NUP210L: variants seen among roughly 807,000 people sequenced by gnomAD.
The protein encoded by NUP210L is nuclear pore membrane glycoprotein 210-like.
In NUP210L, 74 loss-of-function variants were observed where a neutral mutation model predicts 208.5. That is an observed-to-expected ratio of 0.35 (90% CI 0.29 to 0.43). The LOEUF is 0.43. Among genes scored for constraint, NUP210L ranks in the 20% least tolerant of loss-of-function variants. The pLI is 1.00. For missense variants in NUP210L, 1,843 were observed against 2,289.4 expected (o/e 0.81, Z 3.98); for synonymous variants, 780 against 816.9 (o/e 0.95, Z 0.77).
At chr1:154,061,712 A>T (rs749893871) in intron 17 of NUP210L, 38 bp from the exon 18 acceptor site, 1 of 1,232,046 alleles carries the variant, frequency 8.1e-7, no homozygotes, top group South Asian at 1.3e-5. Context: ...GAGAAACAAT[A>T]ACATGTAGAA....
chr1:154,010,176 G>C, intron 34 of NUP210L, 55 bp from the exon 35 acceptor site: 1 of 1,560,524 alleles, frequency 6.4e-7, no homozygotes, highest in Non-Finnish European at 8.7e-7. Flanking sequence ...TTTGTAAAAA[G>C]AGAGACCATT....
intron 25 of NUP210L, among the ~76,000 whole-genome samples, chr1:154,046,962 G>A (rs544225368): frequency 6.6e-6 from 1 of 152,294 alleles, no homozygotes; most frequent in South Asian, 2.1e-4. Context: ...GGAGGCTGAG[G>A]CAGGAGAGTC....
At chr1:154,135,880 C>T (rs1212418259) in exon 7 of NUP210L, 4 of 1,612,022 alleles carry the variant, frequency 2.5e-6, no homozygotes, top group Non-Finnish European at 3.4e-6. Flanking sequence ...GTTTTGTCAT[C>T]CAGTATAGCC....
chr1:154,016,217 T>C (rs1373374430), intron 33 of NUP210L, among the ~76,000 whole-genome samples: 3 of 151,650 alleles, frequency 2.0e-5, no homozygotes, highest in African/African-American at 7.3e-5. Flanking sequence ...GATTGCATCA[T>C]TGTATTCCAG....
chr1:154,025,688 C>T, exon 30 of NUP210L: 1 of 1,613,176 alleles, frequency 6.2e-7, no homozygotes, highest in African/African-American at 1.3e-5. Flanking sequence ...CACTTGAGAA[C>T]ACGAGAACTC....
intron 15 of NUP210L, among the ~76,000 whole-genome samples, chr1:154,091,788 A>G (rs1382245633): frequency 6.6e-6 from 1 of 151,660 alleles, no homozygotes; most frequent in Non-Finnish European, 1.5e-5. Flanking sequence ...GGCGTGAGCC[A>G]CTGCGCCCGG....
At chr1:154,150,470 G>A (rs184872468) in intron 2 of NUP210L, among the ~76,000 whole-genome samples, 8 of 152,232 alleles carry the variant, frequency 5.3e-5, no homozygotes, top group Non-Finnish European at 1.2e-4. Flanking sequence ...GCTCACGCCT[G>A]TAATCCCAGC....
exon 40 of NUP210L, chr1:153,992,865 C>T: frequency 6.2e-7 from 1 of 1,613,134 alleles, no homozygotes; most frequent in Non-Finnish European, 8.5e-7. Context: ...ACCAATGTTG[C>T]AGCCGACTTT....
intron 16 of NUP210L, among the ~76,000 whole-genome samples, chr1:154,082,328 A>G (rs1655380683): frequency 6.6e-6 from 1 of 152,200 alleles, no homozygotes. Context: ...TGGTGTCAGA[A>G]TTGCATTGTG....
chr1:154,074,093 CACT>C (rs1372125290), intron 16 of NUP210L, among the ~76,000 whole-genome samples: 2 of 151,632 alleles, frequency 1.3e-5, no homozygotes, highest in South Asian at 2.1e-4. Context: ...CAGGTTGTAC[CACT>C]ATTAGTGATG....
intron 23 of NUP210L, among the ~76,000 whole-genome samples, chr1:154,055,386 G>T (rs1653809539): frequency 6.6e-6 from 1 of 151,946 alleles, no homozygotes; most frequent in African/African-American, 2.4e-5. Flanking sequence ...AAGTAGCTGG[G>T]ATTTCAGGCA....
chr1:154,004,671 G>A (rs950762541), intron 35 of NUP210L, among the ~76,000 whole-genome samples: 8 of 150,648 alleles, frequency 5.3e-5, no homozygotes, highest in African/African-American at 1.7e-4. Context: ...CTTTGAGACA[G>A]GTTCTCCATC....
rs764900718 is a variant in NUP210L at position 154,002,019 on chromosome 1, G to A, written c.4931-34C>T. ...AAAAGAGGAAAAACTGAGCAGGAAG[G>A]TTCAGAGGCTCTATTGAGCCAACTG... On this transcript the variant is annotated intron_variant, in intron 35 of 39. Transcript: ENST00000368559. The A allele has an allele frequency of 7.5e-6, 12 of 1,604,336 alleles. No homozygotes were observed. In the East Asian group the frequency reaches 2.5e-4, roughly 33 times the overall value.
intron 2 of NUP210L, among the ~76,000 whole-genome samples, chr1:154,149,085 C>CTTTTTTTTTTTT (rs1272589191): frequency 2.4e-5 from 2 of 84,214 alleles, no homozygotes; most frequent in East Asian, 4.2e-4. Context: ...CAGAAAACTT[C>CTTTTTTTTTTTT]TCTTTTTTTT....
exon 14 of NUP210L, chr1:154,100,069 T>C: frequency 6.2e-7 from 1 of 1,614,050 alleles, no homozygotes; most frequent in Non-Finnish European, 8.5e-7. Context: ...ACACTTACTG[T>C]TACCAGAGTA....
intron 16 of NUP210L, among the ~76,000 whole-genome samples, chr1:154,071,076 T>C (rs1654692270): frequency 6.6e-6 from 1 of 151,516 alleles, no homozygotes; most frequent in Non-Finnish European, 1.5e-5. Context: ...CAGGCCAGTT[T>C]TTTGTTTTGT....
intron 12 of NUP210L, among the ~76,000 whole-genome samples, chr1:154,108,575 C>T (rs1031132611): frequency 1.3e-5 from 2 of 151,470 alleles, no homozygotes; most frequent in South Asian, 2.1e-4. Context: ...TATTTGCAAG[C>T]GTCATGGTAA....
At chr1:154,100,503 G>C (rs1656409187) in intron 13 of NUP210L, among the ~76,000 whole-genome samples, 1 of 134,426 alleles carries the variant, frequency 7.4e-6, no homozygotes, top group Non-Finnish European at 1.5e-5. Flanking sequence ...CAAGCAGTTA[G>C]TTTTTGGCTT....
Position 154,115,430 on chromosome 1 carries a change from G to T in NUP210L, c.1620+2295C>A, listed in dbSNP as rs1571290754. ...TGGGAGTAGCTGTGTTCTGAAAAAAGTTTATTTACCAAATAAGGAAGCACT... is the reference window on the plus strand; with the variant it reads ...TGGGAGTAGCTGTGTTCTGAAAAAATTTTATTTACCAAATAAGGAAGCACT... On this transcript the variant is annotated intron_variant, in intron 12 of 39. Coordinates refer to ENST00000368559, the Ensembl canonical transcript of NUP210L. Among the ~76,000 whole-genome samples the T allele has an allele frequency of 2.6e-5, 4 of 152,276 alleles. 1 individual carries two copies. The South Asian group carries it at 8.3e-4, about 32-fold the overall frequency.
Sources: allele counts gnomAD v4.1 joint callset (sites outside exome capture counted in the v4.1 genomes callset), GRCh38; gene constraint gnomAD v4.1.1; transcripts MANE v1.5; gene names NCBI Gene and HGNC (gene_info 2026-07-23, HGNC 2026-07-21).